TMEM38A: variants seen among roughly 807,000 people sequenced by gnomAD.
The protein encoded by TMEM38A is transmembrane protein 38A.
In TMEM38A, 17 loss-of-function variants were observed where a neutral mutation model predicts 28.6. The observed-to-expected ratio is 0.60, with a 90% CI of 0.41 to 0.89. The LOEUF is 0.89. Ranked by LOEUF, TMEM38A falls within the 40% of genes least tolerant of loss-of-function variation. The probability of loss-of-function intolerance (pLI) is 0.00; values close to 1 mark genes in which losing one functional copy is unlikely to be tolerated. For synonymous variants in TMEM38A, 169 were observed against 166.1 expected (o/e 1.02, Z -0.14); for missense variants, 328 against 393.1 (o/e 0.83, Z 1.40).
At chr19:16,668,575 G>A (rs925305715) in intron 1 of TMEM38A, among the ~76,000 whole-genome samples, 4 of 151,354 alleles carry the variant, frequency 2.6e-5, no homozygotes, top group Non-Finnish European at 5.9e-5. Flanking sequence ...CCTGGGCTCA[G>A]GAGATCCACC....
Position 16,686,405 on chromosome 19 carries a change from G to A in TMEM38A, c.672G>A (p.Lys224=). The A allele has an allele frequency of 6.2e-7, 1 of 1,611,708 alleles. No homozygotes were observed. Among genetic ancestry groups the A allele is most frequent in the South Asian group, 1.1e-5 (1 of 91,028 alleles). ...TCACCTTGTTCATGGTGTCCTGTAA[G>A]GTAAGCCTTTCTCTTCTTGCAGCAT... The part of the protein sequence containing the change: ...FIFTLFMVSC[K]VFLTATHSHS... Residue 224 remains lysine (K), a splice_region_variant and synonymous_variant, in exon 5 of 6, where the codon AAG becomes AAA. Coordinates refer to ENST00000187762, the MANE Select transcript of TMEM38A (RefSeq NM_024074.4).
intron 1 of TMEM38A, among the ~76,000 whole-genome samples, chr19:16,678,766 C>CAAA (rs61142232): frequency 1.6e-4 from 8 of 48,672 alleles, no homozygotes; most frequent in African/African-American, 2.0e-4. Context: ...ACCCTGTGTC[C>CAAA]AAAAAAAAAA....
Position 16,688,344 on chromosome 19 carries a change from G to A in TMEM38A, c.873G>A (p.Arg291=). Residue 291 remains arginine, a synonymous_variant, in exon 6 of 6, where the codon AGG becomes AGA. Transcript: ENST00000187762. Reference sequence around the variant, plus strand: ...AGGAGGAGTTGAGCGAGGGCTCCAGGAAGAAGAAGGCCAAGAAGGCGGATT... The same window carrying A: ...AGGAGGAGTTGAGCGAGGGCTCCAGAAAGAAGAAGGCCAAGAAGGCGGATT... ...KSKEELSEGS[R]KKKAKKAD is the part of the protein sequence containing the mutation. 4 of 1,600,194 alleles carry A rather than the reference G, an allele frequency of 2.5e-6. No individual in the cohort carries two copies. Among genetic ancestry groups the A allele is most frequent in the Non-Finnish European group, 2.6e-6 (3 of 1,174,356 alleles).
chr19:16,673,305 C>T (rs2086735544), intron 1 of TMEM38A, among the ~76,000 whole-genome samples: 1 of 152,164 alleles, frequency 6.6e-6, no homozygotes, highest in Non-Finnish European at 1.5e-5. Flanking sequence ...TGGTCTCAAA[C>T]TCCTGACCTC....
At chr19:16,663,965 T>C (rs571517026) in intron 1 of TMEM38A, among the ~76,000 whole-genome samples, 3 of 152,188 alleles carry the variant, frequency 2.0e-5, no homozygotes, top group East Asian at 3.9e-4. Context: ...CCTCCTCCTT[T>C]CATAACTGGG....
At chr19:16,686,521 C>T in intron 5 of TMEM38A, 116 bp downstream of exon 5, 2 of 792,448 alleles carry the variant, frequency 2.5e-6, no homozygotes, top group South Asian at 1.5e-5. Context: ...ACAGGCAGCC[C>T]AGAGAGGGGA....
At chr19:16,669,032 G>C (rs1435634125) in intron 1 of TMEM38A, among the ~76,000 whole-genome samples, 3 of 151,804 alleles carry the variant, frequency 2.0e-5, no homozygotes, top group Non-Finnish European at 4.4e-5. Flanking sequence ...GTTTCTCCAT[G>C]TTGGCCAGGC....
At chr19:16,681,960 C>T (rs116078294) in intron 3 of TMEM38A, among the ~76,000 whole-genome samples, 2,299 of 152,238 alleles carry the variant, frequency 0.015, 49 homozygotes, top group African/African-American at 0.053. Flanking sequence ...TTTGAGTCTT[C>T]TTATTGTCTC....
intron 1 of TMEM38A, among the ~76,000 whole-genome samples, chr19:16,664,157 C>T (rs536368981): frequency 6.6e-6 from 1 of 152,278 alleles, no homozygotes; most frequent in Admixed American, 6.5e-5. Context: ...TGGCTTATGC[C>T]TGTAATCCCA....
Position 16,661,386 on chromosome 19 carries a change from C to G in TMEM38A, c.124+45C>G. The G allele has an allele frequency of 7.0e-7, 1 of 1,436,222 alleles. No individual in the cohort carries two copies. The highest frequency in any genetic ancestry group is 9.3e-7 in the Non-Finnish European group (1 of 1,072,924). 89.0% of individuals were successfully genotyped at this position (1,436,222 alleles called of 1,614,324 possible). The stretch of plus-strand genomic sequence containing the variant: ...TGGAGGGGACCGGCAGCGGGTGGCG[C>G]GGGCCGGGGCAGCTCGGGGGTCGCA... On this transcript the variant is annotated intron_variant, in intron 1 of 5. Coordinates refer to ENST00000187762, the MANE Select transcript of TMEM38A (RefSeq NM_024074.4). This position sits in a 1 kb window ranked among gnomAD's most constrained non-coding sequence, Gnocchi z 6.5.
At position 16,661,416 on chromosome 19, in the gene TMEM38A, G is replaced by A; in HGVS notation, c.124+75G>A. 1 of 1,311,134 alleles carries A rather than the reference G, an allele frequency of 7.6e-7. No individual in the cohort carries two copies. Among genetic ancestry groups the A allele is most frequent in the Non-Finnish European group, 1.0e-6 (1 of 977,512 alleles). The allele number at this position is 1,311,134 out of a possible 1,614,324, so 81.2% of individuals were successfully genotyped here. ...CGGGGCAGCTCGGGGGTCGCAGAGA[G>A]GGGAAGCCCGTGCGTGGTGGAGGGA... On this transcript the variant is annotated intron_variant, in intron 1 of 5. Coordinates refer to ENST00000187762, the MANE Select transcript of TMEM38A (RefSeq NM_024074.4). This position sits in a 1 kb window ranked among gnomAD's most constrained non-coding sequence, Gnocchi z 6.5.
intron 1 of TMEM38A, among the ~76,000 whole-genome samples, chr19:16,669,077 G>A (rs150789180): frequency 0.012 from 1,800 of 151,990 alleles, 113 homozygotes; most frequent in Admixed American, 0.11. Context: ...TGATCTGCCC[G>A]CCTTGGCCTC....
intron 1 of TMEM38A, among the ~76,000 whole-genome samples, chr19:16,673,887 A>G (rs1191343826): frequency 6.6e-6 from 1 of 151,956 alleles, no homozygotes; most frequent in East Asian, 1.9e-4. Context: ...CAGGAGTTCA[A>G]GAGCAGCCTG....
chr19:16,671,223 T>TTTTTTTTTTTTTTTG (rs2086726256), intron 1 of TMEM38A, among the ~76,000 whole-genome samples: 1 of 122,630 alleles, frequency 8.2e-6, no homozygotes, highest in East Asian at 2.2e-4. Context: ...TTTTTTTTTT[T>TTTTTTTTTTTTTTTG]GAGGCGGAGT....
At chr19:16,673,624 C>A (rs1197866017) in intron 1 of TMEM38A, among the ~76,000 whole-genome samples, 1 of 152,080 alleles carries the variant, frequency 6.6e-6, no homozygotes, top group Admixed American at 6.6e-5. Context: ...ATGGTAATGC[C>A]CACTGATGCG....
intron 4 of TMEM38A, among the ~76,000 whole-genome samples, chr19:16,683,592 C>CAAAAA (rs558424228): frequency 0.061 from 4,892 of 80,612 alleles, 150 homozygotes; most frequent in East Asian, 0.27. Flanking sequence ...GACCTTGTCT[C>CAAAAA]AAAAAAAAAA....
At chr19:16,670,505 C>T (rs1464677906) in intron 1 of TMEM38A, among the ~76,000 whole-genome samples, 3 of 152,110 alleles carry the variant, frequency 2.0e-5, no homozygotes, top group South Asian at 2.1e-4. Flanking sequence ...TTTCCATTTC[C>T]GCACTGTTCC....
intron 1 of TMEM38A, among the ~76,000 whole-genome samples, chr19:16,669,370 C>A (rs2086717008): frequency 6.6e-6 from 1 of 150,972 alleles, no homozygotes; most frequent in East Asian, 2.0e-4. Flanking sequence ...CCATGCCCAG[C>A]TAATTTTTGT....
chr19:16,669,330 C>T (rs185441281), intron 1 of TMEM38A, among the ~76,000 whole-genome samples: 75 of 151,758 alleles, frequency 4.9e-4, no homozygotes, highest in African/African-American at 1.8e-3. Flanking sequence ...CCTCAGCCTC[C>T]TGAGTAGCTA....
Sources: allele counts gnomAD v4.1 joint callset (sites outside exome capture counted in the v4.1 genomes callset), GRCh38; gene constraint gnomAD v4.1.1; non-coding constraint Gnocchi (gnomAD v3.1); transcripts MANE v1.5; gene names NCBI Gene and HGNC (gene_info 2026-07-23, HGNC 2026-07-21).